RAP1GAP2: variants seen among roughly 807,000 people sequenced by gnomAD.
RAP1GAP2 encodes RAP1 GTPase activating protein 2, also known as rap1 GTPase-activating protein 2.
Under a neutral mutation model 95.0 loss-of-function variants are expected in RAP1GAP2, and 27 were observed. That is an observed-to-expected ratio of 0.28 (90% CI 0.21 to 0.39). The LOEUF is 0.39. RAP1GAP2 is among the 10% of genes least tolerant of loss of function. The pLI, the probability that RAP1GAP2 is intolerant of heterozygous loss-of-function variation, is 1.00. For synonymous variants in RAP1GAP2, 373 were observed against 380.9 expected (o/e 0.98, Z 0.24); for missense variants, 771 against 970.0 (o/e 0.79, Z 2.72).
intron 1 of RAP1GAP2, among the ~76,000 whole-genome samples, chr17:2,784,967 C>G (rs953732243): frequency 7.2e-5 from 11 of 152,200 alleles, no homozygotes; most frequent in African/African-American, 2.7e-4. Flanking sequence ...GCTGAGGGAG[C>G]TCTCCGCTTC....
At chr17:2,896,339 C>T (rs935561590) in intron 2 of RAP1GAP2, among the ~76,000 whole-genome samples, 6 of 152,266 alleles carry the variant, frequency 3.9e-5, no homozygotes, top group East Asian at 1.9e-4. Context: ...CACAAGAAGA[C>T]GTTTGGCCAC....
chr17:2,779,597 C>T (rs1485864503), intron 1 of RAP1GAP2, among the ~76,000 whole-genome samples: 1 of 152,112 alleles, frequency 6.6e-6, no homozygotes, highest in Non-Finnish European at 1.5e-5. Context: ...TCAGATATAC[C>T]TCTTCCTGGG....
intron 10 of RAP1GAP2, among the ~76,000 whole-genome samples, chr17:2,983,667 T>A (rs2045455572): frequency 6.6e-6 from 1 of 152,214 alleles, no homozygotes; most frequent in South Asian, 2.1e-4. Flanking sequence ...ACACCAAGGT[T>A]TTTTTCCTAG....
intron 1 of RAP1GAP2, among the ~76,000 whole-genome samples, chr17:2,789,781 G>GC (rs369458711): frequency 1.4e-5 from 1 of 71,996 alleles, no homozygotes; most frequent in Non-Finnish European, 2.4e-5. Flanking sequence ...GACTCCATCT[G>GC]AAAAAAAAAA....
At chr17:2,820,637 G>A (rs1444993164) in intron 2 of RAP1GAP2, among the ~76,000 whole-genome samples, 3 of 146,376 alleles carry the variant, frequency 2.0e-5, no homozygotes, top group African/African-American at 7.7e-5. Context: ...AAAAAAAAAA[G>A]AGGACTTAGT....
intron 19 of RAP1GAP2, among the ~76,000 whole-genome samples, chr17:3,025,066 G>A (rs762980391): frequency 5.9e-5 from 9 of 151,978 alleles, no homozygotes; most frequent in African/African-American, 2.2e-4. Flanking sequence ...TCTGTCTCAA[G>A]AACACTATTA....
intron 3 of RAP1GAP2, among the ~76,000 whole-genome samples, chr17:2,914,544 G>A (rs990308441): frequency 4.6e-5 from 7 of 152,090 alleles, no homozygotes; most frequent in African/African-American, 1.2e-4. Flanking sequence ...AGGCTGGAGT[G>A]CAGTGGCCCG....
chr17:2,896,536 T>C (rs1169587723), intron 2 of RAP1GAP2, among the ~76,000 whole-genome samples: 1 of 152,206 alleles, frequency 6.6e-6, no homozygotes, highest in African/African-American at 2.4e-5. Context: ...GTGTAAACCA[T>C]AAAGCACGCA....
intron 2 of RAP1GAP2, among the ~76,000 whole-genome samples, chr17:2,812,316 G>A (rs2069803359): frequency 6.6e-6 from 1 of 152,144 alleles, no homozygotes; most frequent in Non-Finnish European, 1.5e-5. Flanking sequence ...CTGTCACTGG[G>A]TTGAGAAGCC....
chr17:2,965,091 T>C lies in RAP1GAP2; in HGVS notation c.493-449T>C. ...GTGCCAGGGTTCCTCCTTGCTGTCT[T>C]GCCCCAGATAGTGTGAACTGGTGAG... On this transcript the variant is annotated intron_variant, in intron 7 of 24. Transcript: ENST00000254695. The surrounding 1 kb of genome is among the most constrained non-coding windows in gnomAD (Gnocchi z 4.7). The C allele has an allele frequency of 6.1e-6, 1 of 163,168 alleles. No individual in the cohort carries two copies. Among genetic ancestry groups the C allele is most frequent in the Non-Finnish European group, 1.4e-5 (1 of 73,824 alleles). 10.1% of individuals were successfully genotyped at this position (163,168 alleles called of 1,614,324 possible).
At chr17:2,938,502 TGG>T (rs1315154014) in intron 3 of RAP1GAP2, among the ~76,000 whole-genome samples, 6,561 of 152,184 alleles carry the variant, frequency 0.043, 467 homozygotes, top group African/African-American at 0.15. Context: ...GAGCCGGGGC[TGG>T]CTTCTCCTTC....
rs2047352419 is a variant in RAP1GAP2 at position 3,032,395 on chromosome 17, A to T, written c.2185-16A>T. ...TCTGGTTATTTAAACTCCTGTATGG[A>T]TTTTTGTTGAAACAGGGTCACTAAT... On this transcript the variant is annotated splice_polypyrimidine_tract_variant and intron_variant, in intron 23 of 24. Transcript: ENST00000254695. The T allele has an allele frequency of 6.2e-7, 1 of 1,613,828 alleles. No homozygotes were observed. The highest frequency in any genetic ancestry group is 1.1e-5 in the South Asian group (1 of 91,078).
In RAP1GAP2 at chr17:2,963,999, C is replaced by G; in HGVS notation, c.423C>G (p.Pro141=). The G allele has an allele frequency of 6.2e-7, 1 of 1,612,626 alleles. No homozygotes were observed. Among genetic ancestry groups the G allele is most frequent in the Non-Finnish European group, 8.5e-7 (1 of 1,179,680 alleles). The stretch of plus-strand genomic sequence containing the variant: ...AGGAGGAAGAGGACAACCTCAGCCC[C>G]AACACATTTGGCTACAAGCTCGAGT... The part of the protein sequence containing the change: ...CEEEEEDNLS[P]NTFGYKLECK... Residue 141 remains proline (P), a synonymous_variant, in exon 7 of 25, where the codon CCC becomes CCG. Coordinates refer to ENST00000254695, the MANE Select transcript of RAP1GAP2 (RefSeq NM_015085.5). The surrounding 1 kb of genome is among the most constrained non-coding windows in gnomAD (Gnocchi z 4.8).
At chr17:2,928,565 A>G (rs2043039372) in intron 3 of RAP1GAP2, among the ~76,000 whole-genome samples, 1 of 152,114 alleles carries the variant, frequency 6.6e-6, no homozygotes, top group Non-Finnish European at 1.5e-5. Context: ...TGGCATGGAA[A>G]GTCCTTCTCG....
At position 2,867,418 on chromosome 17, in the gene RAP1GAP2, C is replaced by T. The variant is rs961425157; in HGVS notation, c.81-37866C>T. Reference sequence around the variant, plus strand: ...CTAGGCTGTGCCTTCCTTTGGGTTGCCTTCGTCCTCAGGTACCTTATCCAC... The same window carrying T: ...CTAGGCTGTGCCTTCCTTTGGGTTGTCTTCGTCCTCAGGTACCTTATCCAC... On this transcript the variant is annotated intron_variant, in intron 2 of 24. Transcript: ENST00000254695. The surrounding 1 kb of genome is among the most constrained non-coding windows in gnomAD (Gnocchi z 4.5). Among the ~76,000 whole-genome samples the T allele has an allele frequency of 6.6e-6, 1 of 152,162 alleles. No homozygotes were observed. Among genetic ancestry groups the T allele is most frequent in the Admixed American group, 6.5e-5 (1 of 15,274 alleles).
At chr17:2,774,480 GTTTTT>G (rs5818875), upstream of RAP1GAP2, among the ~76,000 whole-genome samples, 1 of 99,488 alleles carries the variant, frequency 1.0e-5, no homozygotes. Flanking sequence ...CCCTGCTATC[GTTTTT>G]TTTTTTTTTT....
intron 19 of RAP1GAP2, among the ~76,000 whole-genome samples, chr17:3,022,101 C>T (rs1169791976): frequency 2.0e-5 from 3 of 152,202 alleles, no homozygotes; most frequent in Non-Finnish European, 4.4e-5. Flanking sequence ...ATTTACATTC[C>T]CACCAACACT....
intron 2 of RAP1GAP2, among the ~76,000 whole-genome samples, chr17:2,890,938 G>A (rs1171203956): frequency 4.0e-5 from 6 of 151,362 alleles, no homozygotes; most frequent in Non-Finnish European, 8.8e-5. Flanking sequence ...TGCCCACCTC[G>A]GCCTCCCAAA....
chr17:2,978,193 AGAATTTTTTTCTT>A (rs934412367), intron 8 of RAP1GAP2, among the ~76,000 whole-genome samples: 1 of 152,224 alleles, frequency 6.6e-6, no homozygotes, highest in African/African-American at 2.4e-5. Flanking sequence ...ACCTTAGCAT[AGAATTTTTTTCTT>A]TCCTTATTAA....
Sources: allele counts gnomAD v4.1 joint callset (sites outside exome capture counted in the v4.1 genomes callset), GRCh38; gene constraint gnomAD v4.1.1; non-coding constraint Gnocchi (gnomAD v3.1); transcripts MANE v1.5; gene names NCBI Gene and HGNC (gene_info 2026-07-23, HGNC 2026-07-21).